DGKH: variants seen among roughly 807,000 people sequenced by gnomAD.
The protein encoded by DGKH is DAG kinase eta.
DGKH carries 90 observed loss-of-function variants against 159.3 expected under a neutral mutation model. That is an observed-to-expected ratio of 0.57 (90% confidence interval 0.48 to 0.67). The LOEUF (loss-of-function observed/expected upper bound fraction) is 0.67, where lower values mean the gene tolerates loss of function less well. Ranked by LOEUF, DGKH falls within the 30% of genes least tolerant of loss-of-function variation. The pLI, the probability that DGKH is intolerant of heterozygous loss-of-function variation, is 0.00. For missense variants in DGKH, 1,181 were observed against 1,506.1 expected (o/e 0.78, Z 3.57); for synonymous variants, 536 against 553.8 (o/e 0.97, Z 0.45).
At chr13:42,063,272 A>G (rs1189275664) in intron 1 of DGKH, among the ~76,000 whole-genome samples, 1 of 152,128 alleles carries the variant, frequency 6.6e-6, no homozygotes, top group Non-Finnish European at 1.5e-5. Context: ...AGGAAGAGAC[A>G]CACCTGACAC....
intron 29 of DGKH, among the ~76,000 whole-genome samples, chr13:42,225,870 A>G (rs1958116567): frequency 6.6e-6 from 1 of 152,054 alleles, no homozygotes; most frequent in South Asian, 2.1e-4. Flanking sequence ...ATTACAGCCT[A>G]TACCCTCAAA....
intron 28 of DGKH, among the ~76,000 whole-genome samples, chr13:42,220,945 T>G (rs568999509): frequency 2.6e-5 from 4 of 152,224 alleles, no homozygotes; most frequent in Non-Finnish European, 5.9e-5. Context: ...ATTTAGAGCT[T>G]GCACCATTGA....
intron 1 of DGKH, among the ~76,000 whole-genome samples, chr13:42,050,511 C>A (rs1334341683): frequency 1.3e-5 from 2 of 152,036 alleles, no homozygotes; most frequent in Non-Finnish European, 2.9e-5. Flanking sequence ...TCTTGTAACT[C>A]CTTTTAATAG....
chr13:42,221,812 CAT>C (rs1366922025), intron 29 of DGKH, among the ~76,000 whole-genome samples: 6 of 152,292 alleles, frequency 3.9e-5, no homozygotes, highest in East Asian at 1.9e-4. Flanking sequence ...GCCTTTCTAA[CAT>C]ATGGAATGAG....
chr13:42,252,076 T>C (rs1958624391), intron 29 of DGKH, among the ~76,000 whole-genome samples: 1 of 152,114 alleles, frequency 6.6e-6, no homozygotes, highest in Admixed American at 6.5e-5. Context: ...ACTGCCTTTG[T>C]CTAGTTTGGG....
chr13:42,229,392 C>A lies in DGKH; in HGVS notation c.*204C>A, dbSNP rs1958231744. On this transcript the variant is annotated 3_prime_UTR_variant, in exon 30 of 30. Coordinates refer to ENST00000337343, the MANE Select transcript of DGKH (RefSeq NM_178009.5). ...TGCCGAACAATACATTCCACAAAGC[C>A]ATTTTCTTTTTGTGCAAACCTGACA... The A allele has an allele frequency of 2.0e-6, 1 of 495,668 alleles. No homozygotes were observed. Among genetic ancestry groups the A allele is most frequent in the East Asian group, 3.9e-5 (1 of 25,638 alleles). 30.7% of individuals were successfully genotyped at this position (495,668 alleles called of 1,614,324 possible).
Position 42,068,748 on chromosome 13 carries a change from G to C in DGKH, c.192+19783G>C, listed in dbSNP as rs2137686493. On this transcript the variant is annotated intron_variant, in intron 1 of 29. Transcript: ENST00000337343. ...GCTCTATTCATTTTGCAAATGACAT[G>C]TCAGTTAAAATGAAAACTATCTCAC... Among the ~76,000 whole-genome samples, 2 of 152,228 alleles carry C rather than the reference G, an allele frequency of 1.3e-5. 1 individual carries two copies. Among genetic ancestry groups the C allele is most frequent in the East Asian group, 3.9e-4 (2 of 5,184 alleles).
intron 29 of DGKH, among the ~76,000 whole-genome samples, chr13:42,224,437 T>C (rs1323658991): frequency 6.6e-6 from 1 of 152,238 alleles, no homozygotes; most frequent in Admixed American, 6.5e-5. Context: ...TGCTCCATGC[T>C]ACTGTCCAGT....
chr13:42,087,719 A>G (rs1028278502), intron 1 of DGKH, among the ~76,000 whole-genome samples: 1 of 151,192 alleles, frequency 6.6e-6, no homozygotes, highest in African/African-American at 2.4e-5. Context: ...ACAATATAAA[A>G]CAGAATAAAA....
upstream of DGKH, chr13:42,044,307 T>C (rs1439002914): frequency 1.3e-5 from 2 of 150,992 alleles, no homozygotes; most frequent in African/African-American, 4.9e-5. Context: ...TTTTTCTTCT[T>C]CTTTTTTTTT....
chr13:42,139,916 C>T (rs539454369), intron 3 of DGKH, among the ~76,000 whole-genome samples: 6 of 152,164 alleles, frequency 3.9e-5, no homozygotes, highest in South Asian at 2.1e-4. Context: ...ATACCAAAAA[C>T]GAGGAACTCG....
intron 1 of DGKH, among the ~76,000 whole-genome samples, chr13:42,084,319 T>A (rs1011936542): frequency 2.0e-5 from 3 of 152,204 alleles, no homozygotes; most frequent in African/African-American, 7.2e-5. Context: ...ATTTTATTGC[T>A]GTCCAAATAG....
At chr13:42,090,568 T>C (rs879338675) in intron 1 of DGKH, among the ~76,000 whole-genome samples, 1 of 152,148 alleles carries the variant, frequency 6.6e-6, no homozygotes, top group African/African-American at 2.4e-5. Flanking sequence ...TGGAATAGAA[T>C]AGAGAGCCTA....
chr13:42,216,861 T>A (rs1174867922), intron 26 of DGKH, among the ~76,000 whole-genome samples: 1 of 152,230 alleles, frequency 6.6e-6, no homozygotes, highest in Non-Finnish European at 1.5e-5. Flanking sequence ...GCTGGTCCTA[T>A]AGGAAATCCA....
intron 29 of DGKH, among the ~76,000 whole-genome samples, chr13:42,251,925 T>A (rs1199457934): frequency 6.6e-6 from 1 of 152,218 alleles, no homozygotes; most frequent in Non-Finnish European, 1.5e-5. Context: ...GAGCATGTAT[T>A]ATTCATCCTG....
At chr13:42,073,945 C>G (rs921672744) in intron 1 of DGKH, among the ~76,000 whole-genome samples, 1 of 152,148 alleles carries the variant, frequency 6.6e-6, no homozygotes, top group African/African-American at 2.4e-5. Context: ...GCATTTCCTC[C>G]TAGTACTCTG....
chr13:42,156,130 A>G (rs1316407024), intron 5 of DGKH, among the ~76,000 whole-genome samples: 2 of 152,218 alleles, frequency 1.3e-5, no homozygotes, highest in Non-Finnish European at 2.9e-5. Context: ...CTGATTGTTA[A>G]TTATATTGCA....
At chr13:42,226,179 C>G (rs116057895) in intron 29 of DGKH, among the ~76,000 whole-genome samples, 5,673 of 151,996 alleles carry the variant, frequency 0.037, 311 homozygotes, top group African/African-American at 0.13. Flanking sequence ...ATGTGGCCAA[C>G]AAACATATGA....
At chr13:42,182,761 TGCATGTGC>T (rs1956805439) in intron 13 of DGKH, among the ~76,000 whole-genome samples, 1 of 152,196 alleles carries the variant, frequency 6.6e-6, no homozygotes, top group South Asian at 2.1e-4. Context: ...TGTGCACGTG[TGCATGTGC>T]GCACATATAA....
Sources: allele counts gnomAD v4.1 joint callset (sites outside exome capture counted in the v4.1 genomes callset), GRCh38; gene constraint gnomAD v4.1.1; transcripts MANE v1.5; gene names NCBI Gene and HGNC (gene_info 2026-07-23, HGNC 2026-07-21).